The following FHIT variants were observed in gnomAD, a reference collection of about 807,000 sequenced individuals.
The protein encoded by FHIT is bis(5'-adenosyl)-triphosphatase.
FHIT carries 19 observed loss-of-function variants against 17.9 expected under a neutral mutation model. The ratio of observed to expected loss-of-function variants is 1.06; its 90% CI spans 0.74 to 1.56. The LOEUF is 1.56. Ranked by LOEUF, FHIT falls within the 40% of genes most tolerant of loss-of-function variation. The pLI, the probability that FHIT is intolerant of heterozygous loss-of-function variation, is 0.00. For synonymous variants in FHIT, 81 were observed against 69.7 expected (o/e 1.16, Z -0.81); for missense variants, 248 against 189.2 (o/e 1.31, Z -1.82).
chr3:60,246,511 T>TTA (rs1705404523), intron 5 of FHIT, among the ~76,000 whole-genome samples: 1 of 152,006 alleles, frequency 6.6e-6, no homozygotes, highest in African/African-American at 2.4e-5. Flanking sequence ...AGTCTTTAAT[T>TTA]AGGAAGAACA....
At chr3:60,813,619 A>T (rs1701640161) in intron 4 of FHIT, among the ~76,000 whole-genome samples, 2 of 152,172 alleles carry the variant, frequency 1.3e-5, no homozygotes, top group African/African-American at 4.8e-5. Context: ...CTCTCCAATT[A>T]CATTTTTTCA....
At chr3:60,319,316 T>C (rs1709310567) in intron 5 of FHIT, among the ~76,000 whole-genome samples, 1 of 152,056 alleles carries the variant, frequency 6.6e-6, no homozygotes, top group African/African-American at 2.4e-5. Context: ...TGGCCACAGC[T>C]TCCCGACTAG....
At chr3:61,198,715 C>A (rs538845054) in intron 2 of FHIT, among the ~76,000 whole-genome samples, 1 of 152,248 alleles carries the variant, frequency 6.6e-6, no homozygotes, top group East Asian at 1.9e-4. Context: ...GGCCTCACTT[C>A]CTGTATTACC....
rs946960577 is a variant in FHIT, at chr3:60,573,870, C to T, written c.-17-36891G>A. On this transcript the variant is annotated intron_variant, in intron 4 of 9. Coordinates refer to ENST00000492590, the MANE Select transcript of FHIT (RefSeq NM_002012.4). Reference sequence around the variant, plus strand: ...TGTCACCCAGGCTGGGGCGCAGTGACGTGATCTCAGCTCACTATAACCTCT... The same window carrying T: ...TGTCACCCAGGCTGGGGCGCAGTGATGTGATCTCAGCTCACTATAACCTCT... Among the ~76,000 whole-genome samples, 5 of 151,960 alleles carry T rather than the reference C, an allele frequency of 3.3e-5. 1 individual carries two copies. Among genetic ancestry groups the T allele is most frequent in the Non-Finnish European group, 2.9e-5 (2 of 67,954 alleles).
At position 60,634,966 on chromosome 3, in the gene FHIT, G is replaced by A. The variant is rs1179219277; in HGVS notation, c.-17-97987C>T. On this transcript the variant is annotated intron_variant, in intron 4 of 9. Transcript: ENST00000492590. ...AACCCACAACAGCCTCAAACACCTGGGCTCAAGCAATCCTCGCACCTCAGC... is the reference window on the plus strand; with the variant it reads ...AACCCACAACAGCCTCAAACACCTGAGCTCAAGCAATCCTCGCACCTCAGC... 2.6e-5 allele frequency among the ~76,000 whole-genome samples: 4 copies of A among 152,160 alleles called. No individual in the cohort carries two copies. The East Asian group carries it at 7.7e-4, about 29-fold the overall frequency.
chr3:60,914,582 G>A (rs1706911584), intron 3 of FHIT, among the ~76,000 whole-genome samples: 2 of 152,098 alleles, frequency 1.3e-5, no homozygotes, highest in Admixed American at 6.5e-5. Flanking sequence ...AGGGAATGGG[G>A]TCATAGGGAC....
chr3:60,382,507 T>C (rs1377085108), intron 5 of FHIT, among the ~76,000 whole-genome samples: 1 of 152,152 alleles, frequency 6.6e-6, no homozygotes, highest in Non-Finnish European at 1.5e-5. Flanking sequence ...ACCAGAAAAC[T>C]TGTATGAATT....
chr3:60,380,230 G>C (rs982023660), intron 5 of FHIT, among the ~76,000 whole-genome samples: 6 of 152,066 alleles, frequency 3.9e-5, no homozygotes, highest in Admixed American at 3.9e-4. Context: ...GTAATGAGTG[G>C]GTTCTCACTG....
intron 3 of FHIT, among the ~76,000 whole-genome samples, chr3:60,952,397 G>C (rs1189847717): frequency 6.6e-6 from 1 of 152,130 alleles, no homozygotes; most frequent in Non-Finnish European, 1.5e-5. Context: ...TGTCTGTGTA[G>C]TCACAATCAA....
intron 5 of FHIT, among the ~76,000 whole-genome samples, chr3:60,100,764 A>G (rs1057075143): frequency 6.6e-6 from 1 of 152,184 alleles, no homozygotes; most frequent in African/African-American, 2.4e-5. Context: ...CCTAAAGCTA[A>G]ACAGTAGAGT....
chr3:60,315,209 T>A (rs1709112621), intron 5 of FHIT, among the ~76,000 whole-genome samples: 1 of 152,138 alleles, frequency 6.6e-6, no homozygotes, highest in Non-Finnish European at 1.5e-5. Flanking sequence ...TGTGGGAATC[T>A]CTCACCCACA....
chr3:61,157,154 A>C (rs2037555991), intron 2 of FHIT, among the ~76,000 whole-genome samples: 1 of 152,198 alleles, frequency 6.6e-6, no homozygotes, highest in African/African-American at 2.4e-5. Flanking sequence ...TAAAGAAAAG[A>C]AGTGAGTTGT....
At chr3:61,128,488 A>G (rs923009065) in intron 2 of FHIT, among the ~76,000 whole-genome samples, 1 of 152,170 alleles carries the variant, frequency 6.6e-6, no homozygotes, top group Non-Finnish European at 1.5e-5. Flanking sequence ...AATATAGGCG[A>G]CAACATTTTC....
chr3:60,567,342 A>G (rs1469884615), intron 4 of FHIT, among the ~76,000 whole-genome samples: 1 of 130,934 alleles, frequency 7.6e-6, no homozygotes, highest in Non-Finnish European at 1.8e-5. Flanking sequence ...CAAACCTGAC[A>G]AAAGAAACGG....
chr3:60,526,294 C>T (rs987899549), intron 5 of FHIT, among the ~76,000 whole-genome samples: 1 of 152,032 alleles, frequency 6.6e-6, no homozygotes, highest in Non-Finnish European at 1.5e-5. Flanking sequence ...GTCTCGCCCC[C>T]GTTTGTTTCT....
At chr3:60,349,438 A>G (rs1447477881) in intron 5 of FHIT, among the ~76,000 whole-genome samples, 1 of 152,184 alleles carries the variant, frequency 6.6e-6, no homozygotes, top group Non-Finnish European at 1.5e-5. Context: ...AACAATTTGG[A>G]TTTCCAGATG....
chr3:60,682,578 T>C (rs2040775366), intron 4 of FHIT, among the ~76,000 whole-genome samples: 1 of 152,178 alleles, frequency 6.6e-6, no homozygotes, highest in Non-Finnish European at 1.5e-5. Flanking sequence ...TTTTAAGCCC[T>C]CTCTTGAGAC....
At chr3:60,714,235 C>T (rs550100825) in intron 4 of FHIT, among the ~76,000 whole-genome samples, 35 of 148,396 alleles carry the variant, frequency 2.4e-4, no homozygotes, top group South Asian at 2.0e-3. Flanking sequence ...ATTCAACAAC[C>T]CTTCATGCTA....
chr3:59,827,578 C>G (rs961178546), intron 8 of FHIT, among the ~76,000 whole-genome samples: 1 of 152,176 alleles, frequency 6.6e-6, no homozygotes, highest in Non-Finnish European at 1.5e-5. Flanking sequence ...ATCACTTAAT[C>G]ATTAACATGA....
Sources: gnomAD v4.1 joint callset for allele counts (sites outside exome capture counted in the v4.1 genomes callset) on GRCh38, gnomAD v4.1.1 for gene constraint, MANE v1.5 for transcripts, NCBI Gene and HGNC (gene_info 2026-07-23, HGNC 2026-07-21) for gene names.